The following COL24A1 variants were observed in gnomAD, a reference collection of about 807,000 sequenced individuals.
COL24A1 encodes the protein collagen alpha-1(XXIV) chain.
A neutral mutation model predicts 253.9 loss-of-function variants in COL24A1; 224 were observed. The ratio of observed to expected loss-of-function variants is 0.88; its 90% CI spans 0.79 to 0.99. The LOEUF (loss-of-function observed/expected upper bound fraction) is 0.99, where lower values mean the gene tolerates loss of function less well. Ranked by LOEUF, COL24A1 falls within the 50% of genes least tolerant of loss-of-function variation. The probability of loss-of-function intolerance (pLI) is 0.00; values close to 1 mark genes in which losing one functional copy is unlikely to be tolerated. For synonymous variants in COL24A1, 685 were observed against 673.7 expected (o/e 1.02, Z -0.26); for missense variants, 2,131 against 2,068.5 (o/e 1.03, Z -0.59).
chr1:85,898,120 G>A (rs1036398926), intron 28 of COL24A1, among the ~76,000 whole-genome samples: 16 of 152,106 alleles, frequency 1.1e-4, no homozygotes, highest in Non-Finnish European at 1.9e-4. Context: ...AAGAAGACTG[G>A]GACTTATAAG....
chr1:85,927,320 G>T (rs575143197), intron 24 of COL24A1, among the ~76,000 whole-genome samples: 89 of 152,090 alleles, frequency 5.9e-4, no homozygotes, highest in African/African-American at 8.9e-4. Flanking sequence ...AAGGGGTGAC[G>T]GACGGCACCT....
chr1:86,072,038 G>C (rs1363541908), intron 7 of COL24A1, among the ~76,000 whole-genome samples: 3 of 152,110 alleles, frequency 2.0e-5, no homozygotes, highest in Non-Finnish European at 4.4e-5. Flanking sequence ...TCCCTCGGAC[G>C]CCTACACCAC....
chr1:85,796,996 C>T (rs1005416128), intron 47 of COL24A1, among the ~76,000 whole-genome samples: 5 of 150,672 alleles, frequency 3.3e-5, no homozygotes, highest in Non-Finnish European at 3.0e-5. Context: ...GTCAGGAGAT[C>T]GAGACCATCC....
intron 43 of COL24A1, among the ~76,000 whole-genome samples, chr1:85,832,462 G>A (rs1310980636): frequency 9.2e-5 from 14 of 151,534 alleles, no homozygotes; most frequent in Non-Finnish European, 1.5e-5. Context: ...ATTCTGTGAA[G>A]AAAGTCATTG....
intron 53 of COL24A1, among the ~76,000 whole-genome samples, chr1:85,766,275 C>T (rs781108770): frequency 6.9e-6 from 1 of 145,270 alleles, no homozygotes; most frequent in Non-Finnish European, 1.5e-5. Context: ...GAGGCTGAAG[C>T]ACGGGAATCA....
At position 85,879,246 on chromosome 1, in the gene COL24A1, GGTGTGTGT is replaced by G. The variant is rs5775875; in HGVS notation, c.2977-2079_2977-2072del. ...ATTTAAGTCTATGATTCATTTTGAG[GGTGTGTGT>G]GTGTGTGTGTGTGTGTGTGTGTGTA... On this transcript the variant is annotated intron_variant, in intron 32 of 59. Transcript: ENST00000370571. 2.0e-3 allele frequency among the ~76,000 whole-genome samples: 300 copies of G among 147,214 alleles called. 2 individuals are homozygous for G. The highest frequency in any genetic ancestry group is 0.018 in the East Asian group (87 of 4,886).
intron 10 of COL24A1, 81 bp downstream of exon 10, chr1:86,057,850 G>A (rs1559144070): frequency 1.2e-5 from 15 of 1,270,606 alleles, no homozygotes; most frequent in Non-Finnish European, 1.1e-5. Context: ...CTAAGAGAGT[G>A]TAAAAATGCT....
chr1:85,809,391 A>G (rs1672303580), intron 47 of COL24A1, among the ~76,000 whole-genome samples: 1 of 152,178 alleles, frequency 6.6e-6, no homozygotes, highest in African/African-American at 2.4e-5. Flanking sequence ...TAAACTATAA[A>G]CTAAATTCTT....
At position 85,877,109 on chromosome 1, in the gene COL24A1, A is replaced by C; in HGVS notation, c.3030+13T>G. On this transcript the variant is annotated intron_variant, in intron 33 of 59. Coordinates refer to ENST00000370571, the MANE Select transcript of COL24A1 (RefSeq NM_152890.7). ...GAATATTTATGAAGAAGAACTAGCC[A>C]CAAAAAATTTACCTCCATGCCCATT... is the stretch of plus-strand genomic sequence containing the variant. 1 of 1,598,740 alleles carries C rather than the reference A, an allele frequency of 6.3e-7. No individual in the cohort carries two copies. The highest frequency in any genetic ancestry group is 8.5e-7 in the Non-Finnish European group (1 of 1,172,236).
chr1:86,100,112 A>G (rs1005965702), intron 5 of COL24A1, among the ~76,000 whole-genome samples: 14 of 152,188 alleles, frequency 9.2e-5, no homozygotes, highest in Non-Finnish European at 1.9e-4. Flanking sequence ...CTGGATTAAG[A>G]AAACGTGGCA....
At chr1:86,106,065 C>T (rs1704954215) in intron 5 of COL24A1, among the ~76,000 whole-genome samples, 1 of 152,124 alleles carries the variant, frequency 6.6e-6, no homozygotes, top group African/African-American at 2.4e-5. Flanking sequence ...GCCCAGCTCC[C>T]ATATCATTTT....
chr1:86,018,280 T>A (rs1697180307), intron 18 of COL24A1, among the ~76,000 whole-genome samples: 1 of 152,144 alleles, frequency 6.6e-6, no homozygotes, highest in South Asian at 2.1e-4. Context: ...AGTGCTGAGG[T>A]ATCTGGACAT....
chr1:86,067,029 C>T (rs1701544263), intron 7 of COL24A1, among the ~76,000 whole-genome samples: 1 of 151,854 alleles, frequency 6.6e-6, no homozygotes, highest in African/African-American at 2.4e-5. Context: ...ATCCCAGCTA[C>T]TTGGGAGGCT....
intron 24 of COL24A1, among the ~76,000 whole-genome samples, chr1:85,922,137 G>A (rs1036850987): frequency 1.3e-5 from 2 of 151,964 alleles, no homozygotes; most frequent in African/African-American, 4.8e-5. Flanking sequence ...AAAAAGAAAC[G>A]AACAAAGCCT....
At chr1:86,115,483 A>G in intron 3 of COL24A1, 105 bp from the exon 4 acceptor site, 1 of 1,040,650 alleles carries the variant, frequency 9.6e-7, no homozygotes, top group Non-Finnish European at 1.4e-6. Flanking sequence ...TTCAGTCCCC[A>G]GTTCCCAGCT....
At chr1:86,041,291 T>C (rs1699462936) in intron 12 of COL24A1, among the ~76,000 whole-genome samples, 1 of 152,164 alleles carries the variant, frequency 6.6e-6, no homozygotes, top group Admixed American at 6.6e-5. Context: ...ATTCTAAGGG[T>C]CTGAAAAATT....
At chr1:86,081,111 CATTT>C (rs763764481) in intron 7 of COL24A1, among the ~76,000 whole-genome samples, 20 of 152,060 alleles carry the variant, frequency 1.3e-4, no homozygotes, top group Non-Finnish European at 2.5e-4. Context: ...ATTAAAGCAT[CATTT>C]ATTTGAAAAA....
chr1:85,892,011 GTTAT>G, intron 31 of COL24A1, among the ~76,000 whole-genome samples: 1 of 152,170 alleles, frequency 6.6e-6, no homozygotes, highest in Non-Finnish European at 1.5e-5. Context: ...TATTTTGGTT[GTTAT>G]TTATTAGAGC....
At chr1:85,844,733 G>C (rs376708471) in intron 39 of COL24A1, among the ~76,000 whole-genome samples, 3 of 151,908 alleles carry the variant, frequency 2.0e-5, no homozygotes, top group African/African-American at 4.8e-5. Flanking sequence ...TGAAAATCTA[G>C]TTGAAATTGA....
Sources: allele counts gnomAD v4.1 joint callset (sites outside exome capture counted in the v4.1 genomes callset), GRCh38; gene constraint gnomAD v4.1.1; transcripts MANE v1.5; gene names NCBI Gene and HGNC (gene_info 2026-07-23, HGNC 2026-07-21).